The following LRBA variants were observed in gnomAD, a reference collection of about 807,000 sequenced individuals.
LRBA encodes LPS responsive beige-like anchor protein, also known as lipopolysaccharide-responsive and beige-like anchor protein.
Under a neutral mutation model 330.0 loss-of-function variants are expected in LRBA, and 176 were observed. The observed-to-expected ratio is 0.53, with a 90% CI of 0.47 to 0.60. LRBA has a LOEUF of 0.60. Among genes scored for constraint, LRBA ranks in the 20% least tolerant of loss-of-function variants. LRBA has a pLI of 0.00. For missense variants in LRBA, 3,259 were observed against 3,444.8 expected, an observed-to-expected ratio of 0.95 and a Z score of 1.35; for synonymous variants, 1,230 against 1,193.0, an observed-to-expected ratio of 1.03 and a Z score of -0.64.
chr4:150,475,874 C>T (rs1275897008), intron 42 of LRBA, among the ~76,000 whole-genome samples: 5 of 149,128 alleles, frequency 3.4e-5, no homozygotes, highest in African/African-American at 9.9e-5. Flanking sequence ...AAGTGCACTC[C>T]AGCCAGGGCA....
chr4:150,792,994 A>T (rs1319876785), intron 34 of LRBA, among the ~76,000 whole-genome samples: 1 of 151,960 alleles, frequency 6.6e-6, no homozygotes, highest in Admixed American at 6.6e-5. Flanking sequence ...GCAGGAGAAT[A>T]GCTTGAACCC....
At chr4:150,592,836 T>C (rs1237590091) in intron 38 of LRBA, among the ~76,000 whole-genome samples, 2 of 152,116 alleles carry the variant, frequency 1.3e-5, no homozygotes, top group African/African-American at 4.8e-5. Context: ...TCTTCCCATG[T>C]TGCCCAGGCT....
chr4:150,798,168 G>T (rs1343573569), intron 33 of LRBA, 26 bp from the exon 34 acceptor site: 4 of 1,467,852 alleles, frequency 2.7e-6, no homozygotes, highest in East Asian at 2.3e-5. Flanking sequence ...TTTTAAAAAA[G>T]AAGTTATAAA....
intron 2 of LRBA, among the ~76,000 whole-genome samples, chr4:150,964,541 T>C (rs1162185817): frequency 6.6e-6 from 1 of 151,050 alleles, no homozygotes; most frequent in African/African-American, 2.5e-5. Context: ...CCGTGCTCTC[T>C]GAAACATGTG....
intron 36 of LRBA, chr4:150,721,051 AT>A (rs529850048): frequency 1.8e-5 from 10 of 562,552 alleles, no homozygotes; most frequent in Non-Finnish European, 3.2e-5. Context: ...AAGGCCAACT[AT>A]CCTCCAGTTA....
rs752995422 is a variant in LRBA at position 150,798,139 on chromosome 4, A to G, written c.5522T>C (p.Leu1841Pro). The change falls in exon 34 of 57, where the codon CTG becomes CCG. Residue 1841 changes from leucine (L) to proline (P), a missense_variant. Transcript: ENST00000651943. ...GQELLIEGTS[L>P]VCMKSSSSVV... ...TGAACTACTCGACTTCATGCAAACC[A>G]GACCTATTTTAAAGAGAATTTTAAA... The G allele has an allele frequency of 5.1e-5, 82 of 1,598,398 alleles. No individual in the cohort carries two copies. In the South Asian group the frequency reaches 8.4e-4, roughly 16 times the overall value.
At chr4:151,013,649 T>C in intron 2 of LRBA, 1 of 152,332 alleles carries the variant, frequency 6.6e-6, no homozygotes, top group Non-Finnish European at 1.5e-5. Context: ...TAGCTTGAAC[T>C]TAGGAGTTTG....
At position 150,285,956 on chromosome 4, in the gene LRBA, C is replaced by G. The variant is rs149921935; in HGVS notation, c.8096G>C (p.Gly2699Ala). Residue 2699 changes from glycine to alanine, a missense_variant, in exon 54 of 57, where the codon GGC becomes GCC. Physicochemically the swap from Gly to Ala is moderately conservative, Grantham distance 60 (BLOSUM62 0). Transcript: ENST00000651943. ...ACCTTGTGAACCACTCAACACCAGGCCTAGCTCCGCACACACCGCAGCACA... is the reference window on the plus strand; with the variant it reads ...ACCTTGTGAACCACTCAACACCAGGGCTAGCTCCGCACACACCGCAGCACA... ...VTCAAVCAEL[G>A]LVLSGSQEGP... 3.1e-6 allele frequency: 5 copies of G among 1,589,578 alleles called. No individual in the cohort carries two copies. The highest frequency in any genetic ancestry group is 8.5e-7 in the Non-Finnish European group (1 of 1,169,976).
chr4:150,282,380 C>G, intron 55 of LRBA, 70 bp downstream of exon 55: 1 of 1,397,462 alleles, frequency 7.2e-7, no homozygotes, highest in South Asian at 1.2e-5. Context: ...TTTCGCGAAC[C>G]CTCTCCCTCC....
intron 35 of LRBA, among the ~76,000 whole-genome samples, chr4:150,737,918 A>T (rs1352846396): frequency 6.7e-6 from 1 of 150,354 alleles, no homozygotes; most frequent in Non-Finnish European, 1.5e-5. Flanking sequence ...CTTTTACCCT[A>T]TTAAAATGGT....
chr4:150,399,705 G>C (rs932495560), intron 47 of LRBA, among the ~76,000 whole-genome samples: 1 of 152,156 alleles, frequency 6.6e-6, no homozygotes, highest in East Asian at 1.9e-4. Context: ...TCTGGATGGC[G>C]TGGTGGCTTA....
At chr4:150,323,646 C>T (rs889390677) in intron 49 of LRBA, among the ~76,000 whole-genome samples, 6 of 152,212 alleles carry the variant, frequency 3.9e-5, no homozygotes, top group African/African-American at 1.4e-4. Context: ...TCTGCTCCTC[C>T]ATACCCCATC....
At chr4:150,693,706 G>T (rs1239455599) in intron 36 of LRBA, among the ~76,000 whole-genome samples, 2 of 152,094 alleles carry the variant, frequency 1.3e-5, no homozygotes, top group African/African-American at 2.4e-5. Flanking sequence ...GAAAGGGGTT[G>T]TGATTGGAAG....
intron 2 of LRBA, among the ~76,000 whole-genome samples, chr4:150,930,197 C>T (rs1373318193): frequency 1.4e-4 from 22 of 152,114 alleles, no homozygotes; most frequent in Admixed American, 1.4e-3. Context: ...CGCCTGTAAT[C>T]CCAGCTACTC....
chr4:150,718,765 A>C (rs569890236), intron 36 of LRBA, among the ~76,000 whole-genome samples: 1 of 152,278 alleles, frequency 6.6e-6, no homozygotes, highest in South Asian at 2.1e-4. Context: ...ACAATGATTA[A>C]AATGAAAAAC....
chr4:150,824,110 A>G lies in LRBA; in HGVS notation c.5171+4070T>C, dbSNP rs557205959. 3.3e-5 allele frequency among the ~76,000 whole-genome samples: 5 copies of G among 151,988 alleles called. No individual in the cohort carries two copies. The East Asian group carries it at 7.7e-4, about 24-fold the overall frequency. On this transcript the variant is annotated intron_variant, in intron 30 of 56. Transcript: ENST00000651943. The stretch of plus-strand genomic sequence containing the variant: ...GGGGTCCTTTTTAGTTTTTGCATCA[A>G]TGTTTTATAGTTGTCACTGAGGGAT...
chr4:150,577,993 A>C (rs998910175), intron 40 of LRBA, among the ~76,000 whole-genome samples: 2 of 152,232 alleles, frequency 1.3e-5, no homozygotes, highest in East Asian at 3.8e-4. Context: ...GCAGCCGTTC[A>C]AGCTTCATCA....
chr4:150,537,063 T>C (rs1455586150), intron 40 of LRBA, among the ~76,000 whole-genome samples: 10 of 152,098 alleles, frequency 6.6e-5, no homozygotes, highest in Admixed American at 6.5e-4. Context: ...AGGTTTCACA[T>C]TACCTGACTT....
intron 56 of LRBA, among the ~76,000 whole-genome samples, chr4:150,269,295 C>G (rs1745770019): frequency 6.6e-6 from 1 of 152,172 alleles, no homozygotes; most frequent in Non-Finnish European, 1.5e-5. Flanking sequence ...CATTGTCACA[C>G]TGATATAGGC....
Sources: gnomAD v4.1 joint callset for allele counts (sites outside exome capture counted in the v4.1 genomes callset) on GRCh38, gnomAD v4.1.1 for gene constraint, MANE v1.5 for transcripts, NCBI Gene and HGNC (gene_info 2026-07-23, HGNC 2026-07-21) for gene names.